The following PID1 variants were observed in gnomAD, a reference collection of about 807,000 sequenced individuals.
PID1 encodes PTB-containing, cubilin and LRP1-interacting protein.
Under a neutral mutation model 19.1 loss-of-function variants are expected in PID1, and 10 were observed. The observed-to-expected ratio is 0.52, with a 90% confidence interval of 0.32 to 0.89. The LOEUF (loss-of-function observed/expected upper bound fraction) is 0.89. PID1 is among the 40% of genes least tolerant of loss of function. The pLI, the probability that PID1 is intolerant of heterozygous loss-of-function variation, is 0.03. For synonymous variants in PID1, 130 were observed against 116.0 expected (o/e 1.12, Z -0.78); for missense variants, 248 against 285.3 (o/e 0.87, Z 0.94).
intron 1 of PID1, among the ~76,000 whole-genome samples, chr2:229,200,891 G>C (rs928688814): frequency 1.3e-5 from 2 of 151,942 alleles, no homozygotes; most frequent in Non-Finnish European, 2.9e-5. Context: ...AAGGCATGTG[G>C]GTGCCCATGT....
At chr2:229,111,540 G>T (rs1239867079) in intron 2 of PID1, among the ~76,000 whole-genome samples, 1 of 152,154 alleles carries the variant, frequency 6.6e-6, no homozygotes, top group East Asian at 1.9e-4. Context: ...ATGGGGGAAA[G>T]ATATGGGATT....
chr2:229,042,871 A>G (rs575413185), intron 2 of PID1, among the ~76,000 whole-genome samples: 4 of 152,252 alleles, frequency 2.6e-5, no homozygotes, highest in South Asian at 2.1e-4. Context: ...GTTACTATTC[A>G]TCTCCATATT....
At chr2:229,096,850 T>C (rs1343929607) in intron 2 of PID1, among the ~76,000 whole-genome samples, 1 of 152,132 alleles carries the variant, frequency 6.6e-6, no homozygotes, top group African/African-American at 2.4e-5. Flanking sequence ...AACCCCACAG[T>C]TGGATCTCAA....
At chr2:229,239,373 G>A (rs868389712) in intron 1 of PID1, among the ~76,000 whole-genome samples, 3 of 152,092 alleles carry the variant, frequency 2.0e-5, no homozygotes, top group Non-Finnish European at 4.4e-5. Context: ...ATTCCTGGAG[G>A]AAACGAGTAA....
chr2:229,074,795 G>A (rs1008807602), intron 2 of PID1, among the ~76,000 whole-genome samples: 3 of 151,922 alleles, frequency 2.0e-5, no homozygotes, highest in South Asian at 2.1e-4. Flanking sequence ...AATGATCAAC[G>A]GCCTATAAAT....
chr2:229,142,547 C>T (rs538792999), intron 2 of PID1, among the ~76,000 whole-genome samples: 73 of 152,278 alleles, frequency 4.8e-4, no homozygotes, highest in African/African-American at 1.7e-3. Flanking sequence ...ACCTAAGCTA[C>T]ATTTTCCTAA....
At chr2:229,135,426 A>G (rs570000312) in intron 2 of PID1, among the ~76,000 whole-genome samples, 4 of 152,366 alleles carry the variant, frequency 2.6e-5, no homozygotes. Context: ...CATATGTATG[A>G]CATATCCAGA....
chr2:229,082,223 C>T (rs1694682386), intron 2 of PID1, among the ~76,000 whole-genome samples: 1 of 152,134 alleles, frequency 6.6e-6, no homozygotes. Context: ...GACTATGATG[C>T]CAAAAAGAAG....
At chr2:229,128,765 T>C (rs1689642563) in intron 2 of PID1, among the ~76,000 whole-genome samples, 1 of 152,178 alleles carries the variant, frequency 6.6e-6, no homozygotes, top group Non-Finnish European at 1.5e-5. Context: ...GGTATTCTTA[T>C]CATAAAGAGA....
At chr2:229,264,134 A>C (rs1043725303) in intron 1 of PID1, among the ~76,000 whole-genome samples, 2 of 152,172 alleles carry the variant, frequency 1.3e-5, no homozygotes, top group African/African-American at 4.8e-5. Flanking sequence ...GCCCTGTTTG[A>C]GAATACTTGC....
chr2:229,066,008 TCAC>T (rs1490302270), intron 2 of PID1, among the ~76,000 whole-genome samples: 6 of 152,150 alleles, frequency 3.9e-5, no homozygotes. Context: ...GCCAGGTGAT[TCAC>T]CAACAACCTT....
chr2:229,066,087 C>CA (rs1222714449), intron 2 of PID1, among the ~76,000 whole-genome samples: 2 of 151,664 alleles, frequency 1.3e-5, no homozygotes, highest in Non-Finnish European at 2.9e-5. Context: ...AAGCCACACA[C>CA]AAAAAAAGGA....
At chr2:229,229,577 A>T (rs1692159125) in intron 1 of PID1, among the ~76,000 whole-genome samples, 1 of 152,362 alleles carries the variant, frequency 6.6e-6, no homozygotes, top group Middle Eastern at 3.4e-3. Flanking sequence ...TTGAGGCTGC[A>T]GTGAGCTGTG....
chr2:229,199,321 T>A lies in PID1; in HGVS notation c.31-43357A>T, dbSNP rs572217684. ...TGTTATGTTGTTATACTATATTATATTACGTGGTATTTGATTTTAATTTTT... is the reference window on the plus strand; with the variant it reads ...TGTTATGTTGTTATACTATATTATAATACGTGGTATTTGATTTTAATTTTT... On this transcript the variant is annotated intron_variant, in intron 1 of 2. Transcript: ENST00000392055. Among the ~76,000 whole-genome samples the A allele has an allele frequency of 2.0e-3, 310 of 152,178 alleles. 2 individuals carry two copies. The highest frequency in any genetic ancestry group is 7.3e-3 in the African/African-American group (302 of 41,548).
intron 2 of PID1, among the ~76,000 whole-genome samples, chr2:229,074,129 T>C (rs895530506): frequency 6.6e-6 from 1 of 152,056 alleles, no homozygotes; most frequent in African/African-American, 2.4e-5. Context: ...ACTTGTAAAA[T>C]GGCAAGTCAG....
At chr2:229,215,030 A>G (rs1271858928) in intron 1 of PID1, among the ~76,000 whole-genome samples, 2 of 152,160 alleles carry the variant, frequency 1.3e-5, no homozygotes, top group African/African-American at 4.8e-5. Flanking sequence ...TCATGATACA[A>G]TTTTACTAAT....
chr2:229,091,508 G>C (rs954398082), intron 2 of PID1, among the ~76,000 whole-genome samples: 3 of 152,108 alleles, frequency 2.0e-5, no homozygotes, highest in Non-Finnish European at 4.4e-5. Flanking sequence ...GGGCCTCTTG[G>C]AAAATGGTTA....
chr2:229,259,285 T>A (rs977817251), intron 1 of PID1, among the ~76,000 whole-genome samples: 1 of 152,188 alleles, frequency 6.6e-6, no homozygotes, highest in Non-Finnish European at 1.5e-5. Flanking sequence ...ATACATGAGA[T>A]GCAAGTATTT....
chr2:229,190,594 T>C (rs1331645105), intron 1 of PID1, among the ~76,000 whole-genome samples: 1 of 152,234 alleles, frequency 6.6e-6, no homozygotes, highest in Non-Finnish European at 1.5e-5. Flanking sequence ...GGCCTGCCTG[T>C]TGAGAGGCAG....
Sources: allele counts gnomAD v4.1 joint callset (sites outside exome capture counted in the v4.1 genomes callset), GRCh38; gene constraint gnomAD v4.1.1; transcripts MANE v1.5; gene names NCBI Gene and HGNC (gene_info 2026-07-23, HGNC 2026-07-21).